REELD1: variants seen among roughly 807,000 people sequenced by gnomAD.
REELD1 encodes reelin domain-containing protein 1.
A neutral mutation model predicts 6.3 loss-of-function variants in REELD1; 12 were observed. That is an observed-to-expected ratio of 1.89 (90% CI 1.21 to 3.07). REELD1 has a LOEUF of 3.07. Ranked by LOEUF, REELD1 falls within the 30% of genes most tolerant of loss-of-function variation. The pLI is 0.00. For synonymous variants in REELD1, 57 were observed against 33.6 expected, an observed-to-expected ratio of 1.70 and a Z score of -2.42; for missense variants, 163 against 86.8, an observed-to-expected ratio of 1.88 and a Z score of -3.49.
chr4:146,221,332 A>G (rs759622272), intron 3 of REELD1, among the ~76,000 whole-genome samples: 5 of 152,116 alleles, frequency 3.3e-5, no homozygotes, highest in Non-Finnish European at 5.9e-5. Flanking sequence ...TTTACTTACT[A>G]TGTTTTCAGG....
At chr4:146,229,615 AC>A (rs1731089439) in intron 7 of REELD1, among the ~76,000 whole-genome samples, 1 of 152,138 alleles carries the variant, frequency 6.6e-6, no homozygotes, top group Non-Finnish European at 1.5e-5. Flanking sequence ...TGATGCAATC[AC>A]CCATTGATAT....
At chr4:146,229,607 A>T (rs1242275585) in intron 7 of REELD1, among the ~76,000 whole-genome samples, 1 of 152,190 alleles carries the variant, frequency 6.6e-6, no homozygotes, top group African/African-American at 2.4e-5. Context: ...ATAGAAGATG[A>T]TGCAATCACC....
In REELD1 at chr4:146,229,938, C is replaced by G. The variant is rs942812818; in HGVS notation, c.1006C>G (p.Gln336Glu). The part of the protein sequence containing the change: ...KTKASNRTVT[Q>E]PPLSTVQLTY... ...GAAGGCCTCTAACAGGACCGTGACA[C>G]AGCCTCCTCTGTCCACCGTCCAGCT... The change falls in exon 8 of 8, where the codon CAG (glutamine) becomes GAG (glutamate). Residue 336 changes from glutamine (Q) to glutamate (E), a missense_variant. By Grantham distance (29) the Gln-to-Glu change is conservative. Transcript: ENST00000623665. 3.3e-5 allele frequency: 13 copies of G among 398,614 alleles called. No homozygotes were observed. Among genetic ancestry groups the G allele is most frequent in the African/African-American group, 2.1e-4 (10 of 48,626 alleles). 24.7% of individuals were successfully genotyped at this position (398,614 alleles called of 1,614,324 possible).
Position 146,229,035 on chromosome 4 carries a change from G to A in REELD1, c.919G>A (p.Asp307Asn). ...SLSTHHRTQD[D>N]PSFDSLETCL... is the part of the protein sequence containing the mutation. ...CATTCTTCCCTTTAGAACTCAGGAT[G>A]ATCCCAGCTTTGATTCACTGGAAAC... Residue 307 changes from aspartate (D) to asparagine (N), a missense_variant, in exon 7 of 8, where the codon GAT becomes AAT. Coordinates refer to ENST00000623665, the MANE Select transcript of REELD1 (RefSeq NM_001354631.1). 1 of 702,382 alleles carries A rather than the reference G, an allele frequency of 1.4e-6. No homozygotes were observed. The highest frequency in any genetic ancestry group is 1.5e-5 in the South Asian group (1 of 67,556). The allele number at this position is 702,382 out of a possible 1,614,324, so 43.5% of individuals were successfully genotyped here. A position where few individuals can be genotyped will look rare whatever the true frequency, so the allele number is the denominator to read the frequency against.
At chr4:146,215,296 C>G (rs1262323201) in intron 2 of REELD1, 98 bp downstream of exon 2, 1 of 152,212 alleles carries the variant, frequency 6.6e-6, no homozygotes, top group Non-Finnish European at 1.5e-5. Context: ...TGAGAATGTG[C>G]TTTTACACAG....
chr4:146,217,963 A>C (rs1240128196), intron 3 of REELD1, among the ~76,000 whole-genome samples: 1 of 152,250 alleles, frequency 6.6e-6, no homozygotes, highest in East Asian at 1.9e-4. Context: ...GGATGAAAAA[A>C]TCATTTCCTG....
intron 5 of REELD1, among the ~76,000 whole-genome samples, chr4:146,226,402 A>G (rs1439557201): frequency 6.6e-6 from 1 of 152,194 alleles, no homozygotes; most frequent in Non-Finnish European, 1.5e-5. Context: ...TGCTATGACA[A>G]AACATCCTAG....
At chr4:146,219,934 TTTTGTTTGTTTTTTTG>T (rs1028196714) in intron 3 of REELD1, among the ~76,000 whole-genome samples, 2 of 150,782 alleles carry the variant, frequency 1.3e-5, no homozygotes, top group African/African-American at 4.8e-5. Flanking sequence ...AATTTTGTTT[TTTTGTTTGTTTTTTTG>T]TTTGTTTTTT....
In REELD1 at chr4:146,230,586, A is replaced by G. The variant is rs578045256; in HGVS notation, c.*73A>G. 4 of 397,800 alleles carry G rather than the reference A, an allele frequency of 1.0e-5. No individual in the cohort carries two copies. The highest frequency in any genetic ancestry group is 6.3e-4 in the Middle Eastern group (1 of 1,588). 24.6% of individuals were successfully genotyped at this position (397,800 alleles called of 1,614,324 possible). ...GAGTGTCCCAGACAGAGCAGAGATA[A>G]TGAGAATAACTGATGAAGACAGGGA... On this transcript the variant is annotated 3_prime_UTR_variant, in exon 8 of 8. Coordinates refer to ENST00000623665, the MANE Select transcript of REELD1 (RefSeq NM_001354631.1).
intron 3 of REELD1, among the ~76,000 whole-genome samples, chr4:146,219,664 C>CT (rs1730885631): frequency 6.6e-6 from 1 of 152,138 alleles, no homozygotes; most frequent in Non-Finnish European, 1.5e-5. Flanking sequence ...ATATTACATG[C>CT]TTTAAAAATG....
chr4:146,228,876 C>T, intron 6 of REELD1, 149 bp from the exon 7 acceptor site: 1 of 585,722 alleles, frequency 1.7e-6, no homozygotes, highest in Non-Finnish European at 3.1e-6. Context: ...TCATCTCTCC[C>T]CTTCCTCTTC....
At chr4:146,226,610 C>T (rs573967014) in intron 5 of REELD1, among the ~76,000 whole-genome samples, 31 of 152,154 alleles carry the variant, frequency 2.0e-4, no homozygotes, top group African/African-American at 7.5e-4. Flanking sequence ...GCTACTAATC[C>T]CATTCATAAG....
intron 2 of REELD1, among the ~76,000 whole-genome samples, chr4:146,215,977 C>T (rs971887807): frequency 3.9e-5 from 6 of 152,184 alleles, no homozygotes; most frequent in Non-Finnish European, 8.8e-5. Context: ...TCTTGAACTC[C>T]TGTGCTCACG....
Position 146,230,631 on chromosome 4 carries a change from T to C in REELD1, c.*118T>C, listed in dbSNP as rs1368652148. 1 of 397,272 alleles carries C rather than the reference T, an allele frequency of 2.5e-6. No individual in the cohort carries two copies. The highest frequency in any genetic ancestry group is 4.4e-6 in the Non-Finnish European group (1 of 225,762). The allele number at this position is 397,272 out of a possible 1,614,324, so 24.6% of individuals were successfully genotyped here. A position where few individuals can be genotyped will look rare whatever the true frequency, so the allele number is the denominator to read the frequency against. Reference sequence around the variant, plus strand: ...CAGGGACTCATTGTGCCTCTGTCAATGTGCAGTTAGTGGAGGAACCCGGGA... The same window carrying C: ...CAGGGACTCATTGTGCCTCTGTCAACGTGCAGTTAGTGGAGGAACCCGGGA... On this transcript the variant is annotated 3_prime_UTR_variant, in exon 8 of 8. Transcript: ENST00000623665.
chr4:146,223,062 G>A (rs546022917), intron 4 of REELD1, among the ~76,000 whole-genome samples: 7 of 152,304 alleles, frequency 4.6e-5, no homozygotes, highest in African/African-American at 1.2e-4. Context: ...GAGAGCCTAC[G>A]TTCGCTCAGA....
rs972915747 is a variant in REELD1 at position 146,222,383 on chromosome 4, A to G, written c.235A>G (p.Met79Val). 7 of 398,488 alleles carry G rather than the reference A, an allele frequency of 1.8e-5. No individual in the cohort carries two copies. Among genetic ancestry groups the G allele is most frequent in the African/African-American group, 1.2e-4 (6 of 48,612 alleles). 24.7% of individuals were successfully genotyped at this position (398,488 alleles called of 1,614,324 possible). ...GACAGTGAGAAGCAGTCGTGATTTC[A>G]TGGGATTTCTCCTTCAGGCTCGAAG... is the stretch of plus-strand genomic sequence containing the variant. ...PVTVRSSRDF[M>V]GFLLQARRVS... Residue 79 changes from methionine (M) to valine (V), a missense_variant, in exon 4 of 8, where the codon ATG becomes GTG. Transcript: ENST00000623665.
intron 5 of REELD1, among the ~76,000 whole-genome samples, chr4:146,224,871 A>G (rs987147717): frequency 1.3e-5 from 2 of 152,208 alleles, no homozygotes; most frequent in Non-Finnish European, 1.5e-5. Flanking sequence ...CAGGGTGGAC[A>G]GTGAGAGCTG....
At chr4:146,221,912 A>G (rs1730930402) in intron 3 of REELD1, among the ~76,000 whole-genome samples, 1 of 152,000 alleles carries the variant, frequency 6.6e-6, no homozygotes, top group African/African-American at 2.4e-5. Context: ...TCCTTTCATT[A>G]TTTTGAGGCA....
At chr4:146,218,398 T>C (rs895727170) in intron 3 of REELD1, among the ~76,000 whole-genome samples, 2 of 152,164 alleles carry the variant, frequency 1.3e-5, no homozygotes, top group East Asian at 1.9e-4. Flanking sequence ...CCACGAAGTG[T>C]AGGCAGAGAA....
Sources: allele counts gnomAD v4.1 joint callset (sites outside exome capture counted in the v4.1 genomes callset), GRCh38; gene constraint gnomAD v4.1.1; transcripts MANE v1.5; gene names NCBI Gene and HGNC (gene_info 2026-07-23, HGNC 2026-07-21).